CABIN1: variants seen among roughly 807,000 people sequenced by gnomAD.
The protein encoded by CABIN1 is calcineurin binding protein 1, also known as calcineurin-binding protein cabin-1.
A neutral mutation model predicts 227.7 loss-of-function variants in CABIN1; 133 were observed. The observed-to-expected ratio is 0.58, with a 90% CI of 0.51 to 0.67. The LOEUF is 0.67. Ranked by LOEUF, CABIN1 falls within the 30% of genes least tolerant of loss-of-function variation. CABIN1 has a pLI of 0.00. For synonymous variants in CABIN1, 1,086 were observed against 1,155.1 expected (o/e 0.94, Z 1.21); for missense variants, 2,408 against 2,852.5 (o/e 0.84, Z 3.55).
intron 11 of CABIN1, among the ~76,000 whole-genome samples, chr22:24,059,602 G>A (rs1306523256): frequency 1.3e-5 from 2 of 152,152 alleles, no homozygotes; most frequent in Non-Finnish European, 2.9e-5. Flanking sequence ...TTTGCAAATT[G>A]AATCTATATA....
intron 20 of CABIN1, 92 bp downstream of exon 20, chr22:24,083,481 G>A: frequency 1.4e-6 from 2 of 1,413,216 alleles, no homozygotes; most frequent in African/African-American, 1.4e-5. Context: ...CATCTTGGCA[G>A]TCCTGCTTGG....
intron 27 of CABIN1, 140 bp from the exon 28 acceptor site, chr22:24,119,227 G>C (rs1036486592): frequency 1.3e-6 from 1 of 763,176 alleles, no homozygotes; most frequent in African/African-American, 1.7e-5. Context: ...CCTGCTGCTG[G>C]GTCCAGCATC....
intron 28 of CABIN1, among the ~76,000 whole-genome samples, chr22:24,133,480 G>C (rs1012813347): frequency 5.4e-4 from 82 of 152,252 alleles, no homozygotes; most frequent in African/African-American, 1.9e-3. Flanking sequence ...GGAAAGGCGA[G>C]CAAGGGACCT....
intron 27 of CABIN1, among the ~76,000 whole-genome samples, chr22:24,118,373 G>A (rs1602183090): frequency 6.6e-6 from 1 of 152,166 alleles, no homozygotes; most frequent in South Asian, 2.1e-4. Context: ...CCTGATGTCT[G>A]CAGATAGGCT....
At chr22:24,142,052 A>G (rs1008546895) in intron 29 of CABIN1, among the ~76,000 whole-genome samples, 18 of 152,114 alleles carry the variant, frequency 1.2e-4, no homozygotes, top group African/African-American at 3.9e-4. Flanking sequence ...AGAATCAGTC[A>G]TGCCCATTGT....
intron 25 of CABIN1, among the ~76,000 whole-genome samples, chr22:24,096,977 CAGAT>C (rs2041931530): frequency 6.6e-6 from 1 of 152,236 alleles, no homozygotes; most frequent in Non-Finnish European, 1.5e-5. Flanking sequence ...CTTCTGACCA[CAGAT>C]AGCCTGTGTG....
In CABIN1 at chr22:24,050,969, C is replaced by T. The variant is rs1367170652; in HGVS notation, c.801C>T (p.Phe267=). The change falls in exon 8 of 37, where the codon TTC becomes TTT. Residue 267 remains phenylalanine, a synonymous_variant. Transcript: ENST00000263119. ...PDLKLVQPIP[F]FTWKCLGESL... Reference sequence around the variant, plus strand: ...TGAAACTTGTGCAGCCCATTCCTTTCTTCACGTAGGTTGTCTAGCGTCTCT... The same window carrying T: ...TGAAACTTGTGCAGCCCATTCCTTTTTTCACGTAGGTTGTCTAGCGTCTCT... 1.2e-6 allele frequency: 2 copies of T among 1,614,066 alleles called. No homozygotes were observed. The highest frequency in any genetic ancestry group is 1.7e-5 in the Admixed American group (1 of 60,012).
intron 1 of CABIN1, among the ~76,000 whole-genome samples, chr22:24,019,615 A>G (rs1166208069): frequency 1.4e-5 from 2 of 143,884 alleles, no homozygotes; most frequent in African/African-American, 2.6e-5. Context: ...GTAGTATATC[A>G]TATTATCTAC....
At chr22:24,042,158 G>T (rs2037429127) in intron 5 of CABIN1, among the ~76,000 whole-genome samples, 1 of 152,176 alleles carries the variant, frequency 6.6e-6, no homozygotes, top group Non-Finnish European at 1.5e-5. Flanking sequence ...GTTTCGCCAT[G>T]TTACCCAGGC....
intron 29 of CABIN1, among the ~76,000 whole-genome samples, chr22:24,136,323 C>T (rs2044391121): frequency 6.6e-6 from 1 of 151,294 alleles, no homozygotes; most frequent in African/African-American, 2.4e-5. Context: ...TAGGGATGTC[C>T]CACAGTTTAC....
At chr22:24,135,448 C>A (rs1395396395) in intron 29 of CABIN1, among the ~76,000 whole-genome samples, 1 of 152,140 alleles carries the variant, frequency 6.6e-6, no homozygotes, top group Non-Finnish European at 1.5e-5. Flanking sequence ...CCTGATATTG[C>A]GTGTCAGGTG....
intron 12 of CABIN1, among the ~76,000 whole-genome samples, chr22:24,060,614 T>TTTG (rs1262599567): frequency 6.6e-6 from 1 of 152,022 alleles, no homozygotes; most frequent in Non-Finnish European, 1.5e-5. Flanking sequence ...GACTGAGGCT[T>TTTG]TTGTTGTTGT....
Position 24,119,530 on chromosome 22 carries a change from G to A in CABIN1, c.4464G>A (p.Gly1488=). The change falls in exon 28 of 37, where the codon GGG becomes GGA. Residue 1488 remains glycine, a synonymous_variant. Coordinates refer to ENST00000263119, the MANE Select transcript of CABIN1 (RefSeq NM_012295.4). ...WDGKKRGDLP[G]EPVAFPQGLP... is the part of the protein sequence containing the mutation. Reference sequence around the variant, plus strand: ...GGAAGAAGAGAGGGGACCTCCCAGGGGAGCCAGTGGCCTTCCCCCAGGGGC... The same window carrying A: ...GGAAGAAGAGAGGGGACCTCCCAGGAGAGCCAGTGGCCTTCCCCCAGGGGC... 1.2e-6 allele frequency: 2 copies of A among 1,613,940 alleles called. No homozygotes were observed. The highest frequency in any genetic ancestry group is 1.7e-6 in the Non-Finnish European group (2 of 1,180,016).
In CABIN1 at chr22:24,043,426, TA is replaced by T. The variant is rs912034553; in HGVS notation, c.526+351del. Among the ~76,000 whole-genome samples the T allele has an allele frequency of 1.0e-3, 152 of 148,486 alleles. 1 individual carries two copies. The highest frequency in any genetic ancestry group is 3.6e-3 in the African/African-American group (144 of 40,508). ...TGTCTTAGTCTGTTTGGGCTGCCAT[TA>T]AAAAAAAATACCATAGATTGGGTGG... On this transcript the variant is annotated intron_variant, in intron 6 of 36. Coordinates refer to ENST00000263119, the MANE Select transcript of CABIN1 (RefSeq NM_012295.4).
At chr22:24,166,537 G>A in intron 31 of CABIN1, 102 bp from the exon 32 acceptor site, 3 of 1,409,594 alleles carry the variant, frequency 2.1e-6, no homozygotes, top group Non-Finnish European at 3.0e-6. Flanking sequence ...CCACACAGAT[G>A]TCAGGTGGGA....
At chr22:24,121,035 A>G (rs1254950545) in intron 28 of CABIN1, among the ~76,000 whole-genome samples, 1 of 152,216 alleles carries the variant, frequency 6.6e-6, no homozygotes, top group Non-Finnish European at 1.5e-5. Context: ...GAAGGTGGCC[A>G]TTCTGGGCTG....
At chr22:24,048,350 T>C (rs151191163) in intron 6 of CABIN1, among the ~76,000 whole-genome samples, 45 of 152,326 alleles carry the variant, frequency 3.0e-4, no homozygotes, top group African/African-American at 1.0e-3. Flanking sequence ...TAGTGGCTGC[T>C]TGGCAACCTA....
At chr22:24,060,828 A>T (rs2039135562) in intron 12 of CABIN1, among the ~76,000 whole-genome samples, 1 of 151,638 alleles carries the variant, frequency 6.6e-6, no homozygotes, top group Non-Finnish European at 1.5e-5. Flanking sequence ...TGAACCCGGG[A>T]GGCGGAGCTT....
At chr22:24,158,679 C>T (rs889352124) in intron 29 of CABIN1, among the ~76,000 whole-genome samples, 3 of 152,102 alleles carry the variant, frequency 2.0e-5, no homozygotes, top group Non-Finnish European at 2.9e-5. Flanking sequence ...CCAGCTGCAT[C>T]CTGGTTTTTT....
Sources: gnomAD v4.1 joint callset for allele counts (sites outside exome capture counted in the v4.1 genomes callset) on GRCh38, gnomAD v4.1.1 for gene constraint, MANE v1.5 for transcripts, NCBI Gene and HGNC (gene_info 2026-07-23, HGNC 2026-07-21) for gene names.